The following LTBP2 variants were observed in gnomAD, a reference collection of about 807,000 sequenced individuals.
The protein encoded by LTBP2 is latent-transforming growth factor beta-binding protein 2.
In LTBP2, 103 loss-of-function variants were observed where a neutral mutation model predicts 210.6. The observed-to-expected ratio is 0.49, with a 90% CI of 0.42 to 0.58. The LOEUF (loss-of-function observed/expected upper bound fraction) is 0.58. LTBP2 is among the 20% of genes least tolerant of loss of function. The probability of loss-of-function intolerance (pLI) is 0.00; values close to 1 mark genes in which losing one functional copy is unlikely to be tolerated. For missense variants in LTBP2, 2,313 were observed against 2,494.5 expected (o/e 0.93, Z 1.55); for synonymous variants, 1,007 against 1,015.0 (o/e 0.99, Z 0.15).
At chr14:74,543,446 T>C (rs1346420931) in intron 8 of LTBP2, among the ~76,000 whole-genome samples, 1 of 151,010 alleles carries the variant, frequency 6.6e-6, no homozygotes, top group Non-Finnish European at 1.5e-5. Context: ...GGATTAGCTT[T>C]GCTGAAACAA....
intron 2 of LTBP2, among the ~76,000 whole-genome samples, chr14:74,601,270 G>T (rs1024355463): frequency 4.6e-5 from 7 of 152,154 alleles, no homozygotes; most frequent in African/African-American, 1.7e-4. Flanking sequence ...GAGGGGCTGG[G>T]CGTGGTGGCT....
intron 3 of LTBP2, 83 bp downstream of exon 3, chr14:74,585,771 T>C: frequency 6.2e-7 from 1 of 1,604,168 alleles, no homozygotes; most frequent in Non-Finnish European, 8.5e-7. Context: ...TCCACCAGCC[T>C]TCACCAAACG....
chr14:74,572,284 GGTGTGT>G (rs751715934), intron 3 of LTBP2, among the ~76,000 whole-genome samples: 1 of 120,040 alleles, frequency 8.3e-6, no homozygotes, highest in African/African-American at 2.6e-5. Context: ...GCAGAGGTGG[GGTGTGT>G]GTGTGTGTGT....
In LTBP2 at chr14:74,550,422, C is replaced by CTGG. The variant is rs1270302717; in HGVS notation, c.1687-458_1687-457insCCA. Among the ~76,000 whole-genome samples the CTGG allele has an allele frequency of 2.0e-5, 3 of 152,340 alleles. No homozygotes were observed. In the East Asian group the frequency reaches 5.8e-4, roughly 29 times the overall value. On this transcript the variant is annotated intron_variant, in intron 7 of 35. Coordinates refer to ENST00000261978, the MANE Select transcript of LTBP2 (RefSeq NM_000428.3). The stretch of plus-strand genomic sequence containing the variant: ...GTTTACCCCTTGGCTGTCCCACCTC[C>CTGG]TCCAGTTCCCTAATCTCAGATAGGG...
At position 74,564,023 on chromosome 14, in the gene LTBP2, CTATATATATATTTA is replaced by C. The variant is rs1404021947; in HGVS notation, c.831-8344_831-8331del. Among the ~76,000 whole-genome samples the C allele has an allele frequency of 3.4e-3, 166 of 48,192 alleles. 4 individuals carry two copies. The highest frequency in any genetic ancestry group is 0.012 in the African/African-American group (153 of 12,764). The allele number at this position is 48,192 out of a possible 152,430, so 31.6% of individuals were successfully genotyped here. A position where few individuals can be genotyped will look rare whatever the true frequency, so the allele number is the denominator to read the frequency against. The stretch of plus-strand genomic sequence containing the variant: ...TGGGTGGGTAGGGAATAAACTGGTG[CTATATATATATTTA>C]TATATATATATTTATATATATATTT... On this transcript the variant is annotated intron_variant, in intron 3 of 35. Transcript: ENST00000261978.
At position 74,506,029 on chromosome 14, in the gene LTBP2, T is replaced by C; in HGVS notation, c.4177+19A>G. On this transcript the variant is annotated intron_variant, in intron 28 of 35. Coordinates refer to ENST00000261978, the MANE Select transcript of LTBP2 (RefSeq NM_000428.3). ...TAAACCTCTGAGTCACCATGGATAA[T>C]GTGTCTCCCAGGCCTCACCTCCAGC... 1 of 1,613,844 alleles carries C rather than the reference T, an allele frequency of 6.2e-7. No individual in the cohort carries two copies. Among genetic ancestry groups the C allele is most frequent in the East Asian group, 2.2e-5 (1 of 44,876 alleles).
rs887651557 is a variant in LTBP2, at chr14:74,528,784, A to G, written c.2153-86T>C. 2.6e-6 allele frequency: 4 copies of G among 1,547,888 alleles called. No homozygotes were observed. In the African/African-American group the frequency reaches 5.4e-5, roughly 21 times the overall value. On this transcript the variant is annotated intron_variant, in intron 11 of 35. Transcript: ENST00000261978. Reference sequence around the variant, plus strand: ...CTTCCTTTCCCTCCCTTTGGGAGACACGGCAATTGTGGCAGCAAGGAGGGA... The same window carrying G: ...CTTCCTTTCCCTCCCTTTGGGAGACGCGGCAATTGTGGCAGCAAGGAGGGA...
At chr14:74,574,989 C>T (rs1302895184) in intron 3 of LTBP2, among the ~76,000 whole-genome samples, 1 of 151,656 alleles carries the variant, frequency 6.6e-6, no homozygotes, top group African/African-American at 2.4e-5. Context: ...GGCATCCTCA[C>T]CAACCCAGAG....
chr14:74,578,354 C>T (rs1168212351), intron 3 of LTBP2, among the ~76,000 whole-genome samples: 1 of 152,236 alleles, frequency 6.6e-6, no homozygotes. Context: ...ATTCTCCCAA[C>T]CATCGTAGAA....
At position 74,498,701 on chromosome 14, in the gene LTBP2, A is replaced by G. The variant is rs1265845863; in HGVS notation, c.*2183T>C. On this transcript the variant is annotated 3_prime_UTR_variant, in exon 36 of 36. Coordinates refer to ENST00000261978, the MANE Select transcript of LTBP2 (RefSeq NM_000428.3). ...CGAAGGTGTAGTGCCAGCAGGATAT[A>G]TTTGGGGGATGGTAAGTTCTCCGAT... 8.6e-6 allele frequency: 2 copies of G among 232,176 alleles called. No homozygotes were observed. Among genetic ancestry groups the G allele is most frequent in the Admixed American group, 5.6e-5 (1 of 17,738 alleles). 14.4% of individuals were successfully genotyped at this position (232,176 alleles called of 1,614,324 possible). A position where few individuals can be genotyped will look rare whatever the true frequency, so the allele number is the denominator to read the frequency against.
At chr14:74,520,990 G>A (rs973903862) in intron 17 of LTBP2, among the ~76,000 whole-genome samples, 7 of 152,218 alleles carry the variant, frequency 4.6e-5, no homozygotes, top group African/African-American at 7.2e-5. Flanking sequence ...TGGTGCCAAC[G>A]CATGAGAGCA....
At chr14:74,549,083 A>G (rs1271251305) in intron 8 of LTBP2, among the ~76,000 whole-genome samples, 1 of 152,238 alleles carries the variant, frequency 6.6e-6, no homozygotes, top group Non-Finnish European at 1.5e-5. Context: ...GACCAAGCTG[A>G]CTGCTGACAG....
intron 7 of LTBP2, among the ~76,000 whole-genome samples, chr14:74,550,481 C>A (rs1288311208): frequency 1.3e-5 from 2 of 152,174 alleles, no homozygotes; most frequent in Non-Finnish European, 2.9e-5. Context: ...GGAAACTAAG[C>A]GGTTTCCTGG....
chr14:74,542,769 A>AT (rs35412803), intron 8 of LTBP2, among the ~76,000 whole-genome samples: 49,546 of 142,282 alleles, frequency 0.35, 10,431 homozygotes, highest in African/African-American at 0.58. Flanking sequence ...CTCAGCCTGA[A>AT]TTTTTTTTTT....
chr14:74,501,404 G>A, intron 35 of LTBP2, 37 bp downstream of exon 35: 1 of 1,613,764 alleles, frequency 6.2e-7, no homozygotes, highest in Non-Finnish European at 8.5e-7. Flanking sequence ...GTGGGCAGTG[G>A]GCCAGCCTGA....
At position 74,519,849 on chromosome 14, in the gene LTBP2, G is replaced by A. The variant is rs544560084; in HGVS notation, c.2788+2062C>T. On this transcript the variant is annotated intron_variant, in intron 17 of 35. Coordinates refer to ENST00000261978, the MANE Select transcript of LTBP2 (RefSeq NM_000428.3). ...CAGGCCAGCTCCCCAGGCTGGGTCT[G>A]CAAAGAGCAGTGCCTCTGGCCCACA... Among the ~76,000 whole-genome samples the A allele has an allele frequency of 5.3e-5, 8 of 152,342 alleles. No individual in the cohort carries two copies. In the East Asian group the frequency reaches 7.7e-4, roughly 15 times the overall value.
chr14:74,567,741 C>G lies in LTBP2; in HGVS notation c.831-12048G>C, dbSNP rs75337651. On this transcript the variant is annotated intron_variant, in intron 3 of 35. Transcript: ENST00000261978. ...AGTCGTCACAGCGCTGGGCACACAG[C>G]TGCTGCCCTGAAAATATTTCTCACA... is the stretch of plus-strand genomic sequence containing the variant. Among the ~76,000 whole-genome samples, 4 of 152,236 alleles carry G rather than the reference C, an allele frequency of 2.6e-5. No homozygotes were observed. The East Asian group carries it at 7.7e-4, about 29-fold the overall frequency.
chr14:74,525,977 G>C, intron 14 of LTBP2, 98 bp downstream of exon 14: 1 of 1,272,020 alleles, frequency 7.9e-7, no homozygotes, highest in Non-Finnish European at 1.1e-6. Context: ...ATGTGTGTGT[G>C]AGCGTGAACC....
chr14:74,540,876 TA>T lies in LTBP2; in HGVS notation c.1790-4877del, dbSNP rs1190071150. ...TATATATTATATATATTTATATATA[TA>T]ATATATATATTATATATTAAAAATA... On this transcript the variant is annotated intron_variant, in intron 8 of 35. Transcript: ENST00000261978. 1.2e-3 allele frequency among the ~76,000 whole-genome samples: 92 copies of T among 79,132 alleles called. 5 individuals are homozygous for T. The highest frequency in any genetic ancestry group is 1.9e-3 in the Non-Finnish European group (80 of 41,350). 51.9% of individuals were successfully genotyped at this position (79,132 alleles called of 152,430 possible). A position where few individuals can be genotyped will look rare whatever the true frequency, so the allele number is the denominator to read the frequency against.
Sources: gnomAD v4.1 joint callset for allele counts (sites outside exome capture counted in the v4.1 genomes callset) on GRCh38, gnomAD v4.1.1 for gene constraint, MANE v1.5 for transcripts, NCBI Gene and HGNC (gene_info 2026-07-23, HGNC 2026-07-21) for gene names.